Variants in ZNF385D observed in about 807,000 individuals in gnomAD.
ZNF385D encodes zinc finger protein 659.
Under a neutral mutation model 35.8 loss-of-function variants are expected in ZNF385D, and 15 were observed. The ratio of observed to expected loss-of-function variants is 0.42; its 90% CI spans 0.28 to 0.64. The LOEUF (loss-of-function observed/expected upper bound fraction) is 0.64. Ranked by LOEUF, ZNF385D falls within the 30% of genes least tolerant of loss-of-function variation. The pLI, the probability that ZNF385D is intolerant of heterozygous loss-of-function variation, is 0.23. For synonymous variants in ZNF385D, 212 were observed against 186.8 expected, an observed-to-expected ratio of 1.13 and a Z score of -1.10; for missense variants, 474 against 494.6, an observed-to-expected ratio of 0.96 and a Z score of 0.39.
chr3:22,178,765 C>A (rs192308232), intron 2 of ZNF385D, among the ~76,000 whole-genome samples: 1 of 151,990 alleles, frequency 6.6e-6, no homozygotes, highest in African/African-American at 2.4e-5. Flanking sequence ...TTTTGTATAA[C>A]GTGTAAGGAA....
chr3:22,126,145 C>T (rs1703412872), intron 3 of ZNF385D, among the ~76,000 whole-genome samples: 1 of 151,868 alleles, frequency 6.6e-6, no homozygotes, highest in African/African-American at 2.4e-5. Flanking sequence ...TTATCAAATG[C>T]TTTTCCAGCA....
intron 4 of ZNF385D, among the ~76,000 whole-genome samples, chr3:21,502,465 A>G (rs1253196582): frequency 6.6e-6 from 1 of 152,174 alleles, no homozygotes; most frequent in Non-Finnish European, 1.5e-5. Context: ...TTGTTCTAAA[A>G]TTTTTATGTG....
At chr3:22,142,760 T>A (rs1704589136) in intron 3 of ZNF385D, among the ~76,000 whole-genome samples, 1 of 152,100 alleles carries the variant, frequency 6.6e-6, no homozygotes, top group Non-Finnish European at 1.5e-5. Flanking sequence ...CCCAGCTTCC[T>A]CCTTGTAGGT....
At chr3:21,930,482 C>T (rs746075457) in intron 3 of ZNF385D, among the ~76,000 whole-genome samples, 3 of 151,702 alleles carry the variant, frequency 2.0e-5, no homozygotes, top group Non-Finnish European at 4.4e-5. Flanking sequence ...CAAAGGAAGC[C>T]GTCAAGAAAG....
chr3:21,468,333 C>A (rs1703654342), intron 4 of ZNF385D, among the ~76,000 whole-genome samples: 1 of 134,972 alleles, frequency 7.4e-6, no homozygotes, highest in Admixed American at 8.9e-5. Flanking sequence ...ACCTGGGAGG[C>A]AGAGGTTGCA....
chr3:21,814,697 C>T (rs547254752), intron 3 of ZNF385D, among the ~76,000 whole-genome samples: 1 of 152,322 alleles, frequency 6.6e-6, no homozygotes, highest in East Asian at 1.9e-4. Flanking sequence ...TCCCTAGCGA[C>T]CTCCAAAGAG....
rs547738439 is a variant in ZNF385D, at chr3:21,652,629, C to T, written c.165+12257G>A. 2.7e-3 allele frequency among the ~76,000 whole-genome samples: 408 copies of T among 149,756 alleles called. 2 individuals carry two copies. Among genetic ancestry groups the T allele is most frequent in the African/African-American group, 9.7e-3 (394 of 40,610 alleles). ...CCCAATGCTATCCCTCCCCCCTCCCCCAACCCCACAACAGTCCCCGAAGTG... is the reference window on the plus strand; with the variant it reads ...CCCAATGCTATCCCTCCCCCCTCCCTCAACCCCACAACAGTCCCCGAAGTG... On this transcript the variant is annotated intron_variant, in intron 2 of 7. Coordinates refer to ENST00000281523, the MANE Select transcript of ZNF385D (RefSeq NM_024697.3).
intron 4 of ZNF385D, among the ~76,000 whole-genome samples, chr3:21,443,965 T>C (rs1701995400): frequency 6.6e-6 from 1 of 152,218 alleles, no homozygotes; most frequent in Non-Finnish European, 1.5e-5. Flanking sequence ...GGTTACTTGT[T>C]GAACTCACTA....
intron 1 of ZNF385D, among the ~76,000 whole-genome samples, chr3:21,684,404 C>CTCT (rs1211451693): frequency 7.5e-4 from 53 of 70,666 alleles, no homozygotes; most frequent in Non-Finnish European, 9.2e-4. Flanking sequence ...CTCTCTCTCT[C>CTCT]CTCTCTCTCT....
At chr3:21,454,112 G>A (rs1319273124) in intron 4 of ZNF385D, among the ~76,000 whole-genome samples, 2 of 152,030 alleles carry the variant, frequency 1.3e-5, no homozygotes, top group Non-Finnish European at 2.9e-5. Flanking sequence ...ACCACACGTT[G>A]TATGATTCCA....
At chr3:21,746,872 G>C (rs1005983459) in intron 1 of ZNF385D, among the ~76,000 whole-genome samples, 2 of 152,088 alleles carry the variant, frequency 1.3e-5, no homozygotes, top group South Asian at 2.1e-4. Context: ...TAACACACTA[G>C]TTTGGAGGTG....
At chr3:21,910,084 T>TACACACACACACACACAC (rs112815077) in intron 3 of ZNF385D, among the ~76,000 whole-genome samples, 2,788 of 149,296 alleles carry the variant, frequency 0.019, 63 homozygotes, top group African/African-American at 0.054. Context: ...ACATATATTT[T>TACACACACACACACACAC]ACACACACAC....
intron 3 of ZNF385D, among the ~76,000 whole-genome samples, chr3:22,020,611 A>G (rs945422259): frequency 6.6e-6 from 1 of 152,084 alleles, no homozygotes; most frequent in African/African-American, 2.4e-5. Context: ...CTATTATTAA[A>G]AAGTCAAGAA....
intron 2 of ZNF385D, among the ~76,000 whole-genome samples, chr3:21,629,507 C>T (rs535916421): frequency 6.6e-6 from 1 of 152,154 alleles, no homozygotes; most frequent in Admixed American, 6.6e-5. Flanking sequence ...TGAAAAATGA[C>T]TACTTGCCCA....
chr3:22,337,879 G>A (rs1014045001), intron 2 of ZNF385D, among the ~76,000 whole-genome samples: 4 of 152,314 alleles, frequency 2.6e-5, no homozygotes, highest in Admixed American at 2.0e-4. Context: ...TGACTGGAAC[G>A]TGGTCTGCAT....
chr3:21,521,404 T>C (rs990573780), intron 3 of ZNF385D, among the ~76,000 whole-genome samples: 1 of 152,200 alleles, frequency 6.6e-6, no homozygotes, highest in African/African-American at 2.4e-5. Context: ...TTGTAGGTAC[T>C]GATGAATTAG....
intron 3 of ZNF385D, among the ~76,000 whole-genome samples, chr3:21,853,753 C>G (rs1281097558): frequency 6.6e-6 from 1 of 151,352 alleles, no homozygotes; most frequent in Non-Finnish European, 1.5e-5. Context: ...AAAAGAGGGC[C>G]AAGAATAATT....
intron 2 of ZNF385D, among the ~76,000 whole-genome samples, chr3:22,247,065 A>C (rs1192634929): frequency 6.6e-6 from 1 of 152,124 alleles, no homozygotes; most frequent in Non-Finnish European, 1.5e-5. Context: ...ACACACATGC[A>C]GTTTCACTTG....
intron 3 of ZNF385D, among the ~76,000 whole-genome samples, chr3:22,029,906 G>C (rs1013515874): frequency 6.6e-6 from 1 of 152,022 alleles, no homozygotes; most frequent in Admixed American, 6.6e-5. Flanking sequence ...TGATTGGATT[G>C]AACGATATAC....
Sources: allele counts gnomAD v4.1 joint callset (sites outside exome capture counted in the v4.1 genomes callset), GRCh38; gene constraint gnomAD v4.1.1; transcripts MANE v1.5; gene names NCBI Gene and HGNC (gene_info 2026-07-23, HGNC 2026-07-21).